The following RASSF8 variants were observed in gnomAD, a reference collection of about 807,000 sequenced individuals.
The protein encoded by RASSF8 is Ras association domain family member 8.
In RASSF8, 22 loss-of-function variants were observed where a neutral mutation model predicts 48.5. That is an observed-to-expected ratio of 0.45 (90% CI 0.32 to 0.65). The LOEUF (loss-of-function observed/expected upper bound fraction) is 0.65. Ranked by LOEUF, RASSF8 falls within the 30% of genes least tolerant of loss-of-function variation. The pLI is 0.03. For synonymous variants in RASSF8, 127 were observed against 171.5 expected (o/e 0.74, Z 2.03); for missense variants, 418 against 489.2 (o/e 0.85, Z 1.37).
intron 2 of RASSF8, among the ~76,000 whole-genome samples, chr12:26,003,305 C>T (rs1020102169): frequency 3.9e-5 from 6 of 152,110 alleles, no homozygotes; most frequent in African/African-American, 1.4e-4. Flanking sequence ...ATATAAAACC[C>T]ATTTGATCAT....
intron 2 of RASSF8, among the ~76,000 whole-genome samples, chr12:25,998,024 A>G (rs1942171251): frequency 6.6e-6 from 1 of 152,252 alleles, no homozygotes; most frequent in African/African-American, 2.4e-5. Context: ...TTAATGAAAT[A>G]TGAAAGAAAC....
chr12:26,042,991 T>TC (rs1388909580), intron 2 of RASSF8, among the ~76,000 whole-genome samples: 2 of 152,006 alleles, frequency 1.3e-5, no homozygotes, highest in Non-Finnish European at 2.9e-5. Flanking sequence ...TTGTGCCCAT[T>TC]CCCCCCCTAG....
intron 1 of RASSF8, among the ~76,000 whole-genome samples, chr12:25,966,634 GGTT>G (rs1941367502): frequency 6.6e-6 from 1 of 151,820 alleles, no homozygotes; most frequent in Admixed American, 6.6e-5. Context: ...GTTTTTATTG[GGTT>G]GTTTTCTTAT....
At chr12:26,043,883 G>T (rs1333234949) in intron 2 of RASSF8, among the ~76,000 whole-genome samples, 1 of 152,166 alleles carries the variant, frequency 6.6e-6, no homozygotes, top group Non-Finnish European at 1.5e-5. Context: ...AGTCTGTGAT[G>T]ATAAAGATCA....
intron 3 of RASSF8, among the ~76,000 whole-genome samples, chr12:26,058,529 C>CGT (rs1491259872): frequency 2.5e-5 from 1 of 39,672 alleles, no homozygotes; most frequent in Non-Finnish European, 6.4e-5. Flanking sequence ...CACATGCGCA[C>CGT]GCGCGCGCGC....
intron 2 of RASSF8, among the ~76,000 whole-genome samples, chr12:26,027,591 A>G (rs1942943321): frequency 6.6e-6 from 1 of 152,204 alleles, no homozygotes; most frequent in Non-Finnish European, 1.5e-5. Flanking sequence ...CCAGCCAGTT[A>G]CCAGTCTCAA....
Position 26,024,090 on chromosome 12 carries a change from A to C in RASSF8, c.-109+28960A>C, listed in dbSNP as rs775235839. Among the ~76,000 whole-genome samples the C allele has an allele frequency of 2.6e-5, 4 of 152,240 alleles. No homozygotes were observed. The South Asian group carries it at 8.3e-4, about 31-fold the overall frequency. On this transcript the variant is annotated intron_variant, in intron 2 of 5. Coordinates refer to ENST00000689635, the MANE Select transcript of RASSF8 (RefSeq NM_001394098.1). ...GTAAGGTACATAGATATTGTCTTAC[A>C]TAGTATGTATCACAATAAAGACACA... is the stretch of plus-strand genomic sequence containing the variant.
At chr12:25,958,643 G>GGCCCGGCCCGGCCCGGCCCC, upstream of RASSF8, 1 of 143,318 alleles carries the variant, frequency 7.0e-6, no homozygotes, top group South Asian at 2.0e-4. Context: ...CGCCCGGCCC[G>GGCCCGGCCCGGCCCGGCCCC]GCCCGGCCCG....
chr12:25,978,586 T>C (rs936068271), intron 1 of RASSF8, among the ~76,000 whole-genome samples: 1 of 152,206 alleles, frequency 6.6e-6, no homozygotes, highest in South Asian at 2.1e-4. Flanking sequence ...AGTTTCTTAT[T>C]AGAACTCTTT....
At chr12:25,961,412 C>G (rs746963309) in intron 1 of RASSF8, among the ~76,000 whole-genome samples, 3 of 152,124 alleles carry the variant, frequency 2.0e-5, no homozygotes, top group Admixed American at 6.5e-5. Flanking sequence ...ATTTGGATTA[C>G]AAAATAATAT....
intron 2 of RASSF8, among the ~76,000 whole-genome samples, chr12:26,022,794 T>G (rs895976993): frequency 1.3e-5 from 2 of 152,050 alleles, no homozygotes; most frequent in Non-Finnish European, 2.9e-5. Context: ...CAGGTTGGAG[T>G]GCAATGGCGC....
chr12:25,975,481 C>T (rs1276868961), intron 1 of RASSF8, among the ~76,000 whole-genome samples: 1 of 152,160 alleles, frequency 6.6e-6, no homozygotes, highest in Non-Finnish European at 1.5e-5. Context: ...GTTGGGATTG[C>T]TTTAGAATAA....
chr12:26,008,518 A>G (rs557551814), intron 2 of RASSF8, among the ~76,000 whole-genome samples: 242 of 152,340 alleles, frequency 1.6e-3, no homozygotes, highest in African/African-American at 5.7e-3. Context: ...GCTTTCAGAA[A>G]CACAGGCTGA....
intron 2 of RASSF8, among the ~76,000 whole-genome samples, chr12:26,025,939 G>GTT (rs773479771): frequency 2.0e-5 from 3 of 152,006 alleles, no homozygotes; most frequent in Non-Finnish European, 4.4e-5. Context: ...GGATATCCAA[G>GTT]TGCAAAAGAG....
At chr12:26,012,611 T>C (rs561215118) in intron 2 of RASSF8, among the ~76,000 whole-genome samples, 3 of 152,226 alleles carry the variant, frequency 2.0e-5, no homozygotes, top group Admixed American at 6.5e-5. Flanking sequence ...TTTTAAAATA[T>C]GTGGGCCTAT....
At chr12:26,003,186 G>A (rs934291316) in intron 2 of RASSF8, among the ~76,000 whole-genome samples, 2 of 152,230 alleles carry the variant, frequency 1.3e-5, no homozygotes, top group Admixed American at 1.3e-4. Context: ...TTTATCAAAT[G>A]CTGTTTCTGT....
chr12:25,967,011 G>A (rs1941375059), intron 1 of RASSF8, among the ~76,000 whole-genome samples: 1 of 152,216 alleles, frequency 6.6e-6, no homozygotes, highest in East Asian at 1.9e-4. Context: ...CAACACTGTT[G>A]AAACGACTAT....
At position 26,006,625 on chromosome 12, in the gene RASSF8, G is replaced by T. The variant is rs75417622; in HGVS notation, c.-109+11495G>T. On this transcript the variant is annotated intron_variant, in intron 2 of 5. Transcript: ENST00000689635. ...GTTTAAACCAGACACTTTGGAGAGG[G>T]AACTAGGGCACTATTGATAATTACA... Among the ~76,000 whole-genome samples the T allele has an allele frequency of 6.8e-3, 1,038 of 152,248 alleles. 8 individuals carry two copies. Among genetic ancestry groups the T allele is most frequent in the Non-Finnish European group, 0.012 (789 of 68,018 alleles).
chr12:26,035,486 A>ATTATATGAAATTATATAAT (rs1943123010), intron 2 of RASSF8, among the ~76,000 whole-genome samples: 1 of 137,520 alleles, frequency 7.3e-6, no homozygotes, highest in Admixed American at 7.6e-5. Flanking sequence ...TAATTATATA[A>ATTATATGAAATTATATAAT]TTATATGAAA....
Sources: allele counts gnomAD v4.1 joint callset (sites outside exome capture counted in the v4.1 genomes callset), GRCh38; gene constraint gnomAD v4.1.1; transcripts MANE v1.5; gene names NCBI Gene and HGNC (gene_info 2026-07-23, HGNC 2026-07-21).